Variants in FOXO3 observed in about 807,000 individuals in gnomAD.
The protein encoded by FOXO3 is forkhead box protein O3.
Under a neutral mutation model 41.9 loss-of-function variants are expected in FOXO3, and 4 were observed. That is an observed-to-expected ratio of 0.10 (90% CI 0.05 to 0.22). The LOEUF (loss-of-function observed/expected upper bound fraction) is 0.22. Ranked by LOEUF, FOXO3 falls within the 10% of genes least tolerant of loss-of-function variation. The pLI is 1.00. For missense variants in FOXO3, 534 were observed against 906.8 expected (o/e 0.59, Z 5.28); for synonymous variants, 318 against 389.3 (o/e 0.82, Z 2.16).
chr6:108,584,320 T>C (rs1212948134), intron 1 of FOXO3, among the ~76,000 whole-genome samples: 1 of 152,202 alleles, frequency 6.6e-6, no homozygotes, highest in Non-Finnish European at 1.5e-5. Context: ...ATTTTCACCT[T>C]TGATAATGAA....
At chr6:108,661,206 C>T (rs930172167) in intron 1 of FOXO3, among the ~76,000 whole-genome samples, 50 of 152,246 alleles carry the variant, frequency 3.3e-4, no homozygotes, top group African/African-American at 1.0e-3. Context: ...CAAGCCATTG[C>T]ACTCCAGCCT....
At chr6:108,644,237 T>G (rs1004772109) in intron 1 of FOXO3, among the ~76,000 whole-genome samples, 2 of 152,224 alleles carry the variant, frequency 1.3e-5, no homozygotes, top group Non-Finnish European at 2.9e-5. Context: ...AGTTTTCTCA[T>G]CTGTAAAATG....
In FOXO3 at chr6:108,655,811, A is replaced by G. The variant is rs1778667964; in HGVS notation, c.622-7644A>G. Among the ~76,000 whole-genome samples the G allele has an allele frequency of 2.0e-5, 3 of 152,286 alleles. No individual in the cohort carries two copies. In the South Asian group the frequency reaches 6.2e-4, roughly 32 times the overall value. Reference sequence around the variant, plus strand: ...GGGTCTCCCTGTGAATTGGGGTTCCATTGGGCTGTTCAAAAAACCTTTGTC... The same window carrying G: ...GGGTCTCCCTGTGAATTGGGGTTCCGTTGGGCTGTTCAAAAAACCTTTGTC... On this transcript the variant is annotated intron_variant, in intron 1 of 2. Transcript: ENST00000406360.
intron 1 of FOXO3, among the ~76,000 whole-genome samples, chr6:108,583,273 T>C (rs1179231180): frequency 6.6e-6 from 1 of 152,166 alleles, no homozygotes; most frequent in Non-Finnish European, 1.5e-5. Flanking sequence ...GGTGAAAAGG[T>C]AGCTATGGGA....
chr6:108,581,446 A>T (rs2802289), intron 1 of FOXO3, among the ~76,000 whole-genome samples: 1 of 152,152 alleles, frequency 6.6e-6, no homozygotes, highest in Non-Finnish European at 1.5e-5. Context: ...AAGCCGTTAC[A>T]AAATTTCTTC....
At chr6:108,595,370 T>C (rs9480865) in intron 1 of FOXO3, among the ~76,000 whole-genome samples, 27,685 of 152,214 alleles carry the variant, frequency 0.18, 2,798 homozygotes, top group Middle Eastern at 0.27. Context: ...AATTTAGTGA[T>C]ACATAGAAAA....
At chr6:108,573,546 A>C (rs749001093) in intron 1 of FOXO3, among the ~76,000 whole-genome samples, 11 of 152,038 alleles carry the variant, frequency 7.2e-5, no homozygotes, top group Non-Finnish European at 1.6e-4. Context: ...TTTAAGAATT[A>C]GCTGGGCACA....
Position 108,616,199 on chromosome 6 carries a change from C to T in FOXO3, c.622-47256C>T, listed in dbSNP as rs369114659. 9.0e-5 allele frequency among the ~76,000 whole-genome samples: 10 copies of T among 110,824 alleles called. No individual in the cohort carries two copies. In the East Asian group the frequency reaches 3.0e-3, roughly 33 times the overall value. The allele number at this position is 110,824 out of a possible 152,430, so 72.7% of individuals were successfully genotyped here. On this transcript the variant is annotated intron_variant, in intron 1 of 2. Transcript: ENST00000406360. Reference sequence around the variant, plus strand: ...TTTTTTTTTGAGATAGAGTCTCATTCTGTCGCCCAGGCTTGAGTGCAGTGG... The same window carrying T: ...TTTTTTTTTGAGATAGAGTCTCATTTTGTCGCCCAGGCTTGAGTGCAGTGG...
At chr6:108,590,918 C>A (rs1776716760) in intron 1 of FOXO3, among the ~76,000 whole-genome samples, 1 of 152,190 alleles carries the variant, frequency 6.6e-6, no homozygotes, top group Admixed American at 6.5e-5. Context: ...TCAGCTGCCT[C>A]CCCTGACAGC....
At chr6:108,595,980 T>C (rs987038645) in intron 1 of FOXO3, among the ~76,000 whole-genome samples, 1 of 152,228 alleles carries the variant, frequency 6.6e-6, no homozygotes, top group African/African-American at 2.4e-5. Flanking sequence ...CCCTTCATTC[T>C]GTCAGACTGC....
intron 2 of FOXO3, among the ~76,000 whole-genome samples, chr6:108,673,906 G>A (rs991008719): frequency 1.2e-4 from 19 of 152,258 alleles, no homozygotes; most frequent in African/African-American, 4.3e-4. Context: ...TTTTTAAAAG[G>A]TGAATCACTT....
intron 1 of FOXO3, among the ~76,000 whole-genome samples, chr6:108,576,424 A>G (rs1776263590): frequency 6.6e-6 from 1 of 152,234 alleles, no homozygotes; most frequent in South Asian, 2.1e-4. Context: ...CAATAGTCTC[A>G]TAAAATCAGT....
At position 108,561,328 on chromosome 6, in the gene FOXO3, C is replaced by T; in HGVS notation, c.120C>T (p.Leu40=). Residue 40 remains leucine, a synonymous_variant, in exon 1 of 3, where the codon CTC becomes CTT. Coordinates refer to ENST00000406360, the MANE Select transcript of FOXO3 (RefSeq NM_001455.4). ...SCTWPLQRPE[L]QASPAKPSGE... is the part of the protein sequence containing the mutation. ...CGTGGCCCCTGCAAAGGCCGGAGCT[C>T]CAAGCGAGCCCTGCCAAGCCCTCGG... is the stretch of plus-strand genomic sequence containing the variant. The T allele has an allele frequency of 1.9e-6, 3 of 1,564,322 alleles. No homozygotes were observed. The highest frequency in any genetic ancestry group is 4.8e-5 in the East Asian group (2 of 41,966).
chr6:108,663,310 G>A (rs1396669012), intron 1 of FOXO3, 145 bp from the exon 2 acceptor site: 4 of 1,299,734 alleles, frequency 3.1e-6, no homozygotes, highest in Non-Finnish European at 4.1e-6. Context: ...CTGCACCACT[G>A]CATTCCAGCA....
In FOXO3 at chr6:108,633,094, T is replaced by C. The variant is rs1778019627; in HGVS notation, c.622-30361T>C. The stretch of plus-strand genomic sequence containing the variant: ...TTCTCAATATTCAAAATACAAAAAC[T>C]CTAAGGAGCATCTTGTTGACTGGTA... On this transcript the variant is annotated intron_variant, in intron 1 of 2. Transcript: ENST00000406360. 2.0e-5 allele frequency among the ~76,000 whole-genome samples: 3 copies of C among 152,110 alleles called. No homozygotes were observed. The South Asian group carries it at 6.2e-4, about 31-fold the overall frequency.
intron 2 of FOXO3, among the ~76,000 whole-genome samples, chr6:108,674,928 C>T (rs776321492): frequency 8.5e-5 from 13 of 152,178 alleles, no homozygotes; most frequent in African/African-American, 2.4e-4. Context: ...TACTATTATA[C>T]GTGGTTTGCA....
Position 108,638,691 on chromosome 6 carries a change from G to A in FOXO3, c.622-24764G>A, listed in dbSNP as rs1363677467. 9.8e-5 allele frequency among the ~76,000 whole-genome samples: 15 copies of A among 152,290 alleles called. No individual in the cohort carries two copies. In the East Asian group the frequency reaches 2.9e-3, roughly 29 times the overall value. ...GGAGGACAACAGACGACTTGGGCAA[G>A]CATCGCATTGTGGAATTTTTGCTTT... On this transcript the variant is annotated intron_variant, in intron 1 of 2. Transcript: ENST00000406360.
At chr6:108,669,239 G>A (rs1288375169) in intron 2 of FOXO3, among the ~76,000 whole-genome samples, 2 of 152,242 alleles carry the variant, frequency 1.3e-5, no homozygotes, top group Non-Finnish European at 2.9e-5. Context: ...TGTGGCATCA[G>A]CAGGCTGCAG....
intron 1 of FOXO3, among the ~76,000 whole-genome samples, chr6:108,663,009 G>A (rs1004926206): frequency 3.3e-5 from 5 of 152,108 alleles, no homozygotes; most frequent in Non-Finnish European, 4.4e-5. Context: ...CTCAAAGAGG[G>A]TCATGCATAT....
Sources: allele counts gnomAD v4.1 joint callset (sites outside exome capture counted in the v4.1 genomes callset), GRCh38; gene constraint gnomAD v4.1.1; transcripts MANE v1.5; gene names NCBI Gene and HGNC (gene_info 2026-07-23, HGNC 2026-07-21).